The following ANKRD30BL variants were observed in gnomAD, a reference collection of about 807,000 sequenced individuals.
ANKRD30BL encodes the protein ankyrin repeat domain 30B like, also known as putative ankyrin repeat domain-containing protein 30B-like.
Under a neutral mutation model 18.4 loss-of-function variants are expected in ANKRD30BL, and 20 were observed. That is an observed-to-expected ratio of 1.09 (90% CI 0.77 to 1.58). The LOEUF (loss-of-function observed/expected upper bound fraction) is 1.58. Ranked by LOEUF, ANKRD30BL falls within the 40% of genes most tolerant of loss-of-function variation. ANKRD30BL has a pLI of 0.00. For synonymous variants in ANKRD30BL, 72 were observed against 100.9 expected, an observed-to-expected ratio of 0.71 and a Z score of 1.72; for missense variants, 224 against 268.6, an observed-to-expected ratio of 0.83 and a Z score of 1.16.
intron 1 of ANKRD30BL, among the ~76,000 whole-genome samples, chr2:132,252,973 C>T (rs1209902744): frequency 6.6e-6 from 1 of 152,112 alleles, no homozygotes; most frequent in Non-Finnish European, 1.5e-5. Flanking sequence ...TTCCCCACGC[C>T]ACCCAACGCG....
intron 1 of ANKRD30BL, among the ~76,000 whole-genome samples, chr2:132,180,668 G>C (rs1688445026): frequency 6.6e-6 from 1 of 151,622 alleles, no homozygotes; most frequent in African/African-American, 2.4e-5. Context: ...ACTTGCCTAA[G>C]ATCACATAAC....
At chr2:132,203,956 C>T (rs1316140742) in intron 1 of ANKRD30BL, among the ~76,000 whole-genome samples, 1 of 152,020 alleles carries the variant, frequency 6.6e-6, no homozygotes, top group Non-Finnish European at 1.5e-5. Context: ...TGATACCAAT[C>T]ATTTTATGAT....
At chr2:132,204,882 G>A (rs1483077403) in intron 1 of ANKRD30BL, among the ~76,000 whole-genome samples, 1 of 152,106 alleles carries the variant, frequency 6.6e-6, no homozygotes, top group Non-Finnish European at 1.5e-5. Context: ...CAGAGGGGGA[G>A]AATCAGTTGA....
chr2:132,224,447 A>T (rs886902832), intron 1 of ANKRD30BL, among the ~76,000 whole-genome samples: 1 of 152,048 alleles, frequency 6.6e-6, no homozygotes, highest in East Asian at 1.9e-4. Flanking sequence ...GACCGCTTTG[A>T]GGCCTTTGTT....
At chr2:132,178,995 A>C (rs1007989052) in intron 1 of ANKRD30BL, among the ~76,000 whole-genome samples, 2 of 151,694 alleles carry the variant, frequency 1.3e-5, no homozygotes, top group African/African-American at 4.9e-5. Context: ...ATTTTTGAAG[A>C]CTAGTAATTT....
Position 132,219,880 on chromosome 2 carries a change from T to C in ANKRD30BL, n.441+37649A>G, listed in dbSNP as rs553079561. Among the ~76,000 whole-genome samples the C allele has an allele frequency of 1.1e-4, 17 of 152,300 alleles. No individual in the cohort carries two copies. In the South Asian group the frequency reaches 3.3e-3, roughly 30 times the overall value. Reference sequence around the variant, plus strand: ...CAGAAACTTCTTTGTGATGTGTGCATTCAACTCACAGAGTTGAACCTTTCT... The same window carrying C: ...CAGAAACTTCTTTGTGATGTGTGCACTCAACTCACAGAGTTGAACCTTTCT... On this transcript the variant is annotated intron_variant and non_coding_transcript_variant, in intron 1 of 4. Transcript: ENST00000470729.
chr2:132,166,387 C>T (rs1688187524), upstream of ANKRD30BL, among the ~76,000 whole-genome samples: 1 of 141,546 alleles, frequency 7.1e-6, no homozygotes, highest in East Asian at 2.1e-4. Flanking sequence ...CCATTAAATG[C>T]TTGATAGAAT....
intron 1 of ANKRD30BL, among the ~76,000 whole-genome samples, chr2:132,229,876 A>G (rs1325121825): frequency 6.6e-6 from 1 of 152,100 alleles, no homozygotes; most frequent in African/African-American, 2.4e-5. Context: ...CTTCCTTTCC[A>G]TAGAGCAGTT....
intron 3 of ANKRD30BL, chr2:132,156,596 T>C (rs1370361289): frequency 1.3e-5 from 2 of 154,468 alleles, no homozygotes; most frequent in Non-Finnish European, 2.9e-5. Flanking sequence ...CAAGATTCAA[T>C]CCTTTAAGAG....
At position 132,187,188 on chromosome 2, in the gene ANKRD30BL, G is replaced by GTTTTT. The variant is rs1193358076; in HGVS notation, n.442-30047_442-30043dup. Among the ~76,000 whole-genome samples, 273 of 90,596 alleles carry GTTTTT rather than the reference G, an allele frequency of 3.0e-3. 1 individual carries two copies. The highest frequency in any genetic ancestry group is 3.8e-3 in the Non-Finnish European group (170 of 45,194). 59.4% of individuals were successfully genotyped at this position (90,596 alleles called of 152,430 possible). The stretch of plus-strand genomic sequence containing the variant: ...AAGTTTTTTGTTTTTTTTTTTGTTT[G>GTTTTT]TTTTTTTTTTTTTTTTTTTTTGAGA... On this transcript the variant is annotated intron_variant and non_coding_transcript_variant, in intron 1 of 4. Coordinates refer to the ANKRD30BL transcript ENST00000470729.
At position 132,208,975 on chromosome 2, in the gene ANKRD30BL, C is replaced by T. The variant is rs12162389; in HGVS notation, n.441+48554G>A. Among the ~76,000 whole-genome samples the T allele has an allele frequency of 2.3e-3, 353 of 151,870 alleles. 1 individual carries two copies. The highest frequency in any genetic ancestry group is 7.7e-3 in the African/African-American group (320 of 41,416). ...AGTGTCTGCAAGTGGATATTTGGAG[C>T]GCTTTACAGCCTATGGTGGAAAAGT... is the stretch of plus-strand genomic sequence containing the variant. On this transcript the variant is annotated intron_variant and non_coding_transcript_variant, in intron 1 of 4. Coordinates refer to the ANKRD30BL transcript ENST00000470729.
intron 1 of ANKRD30BL, among the ~76,000 whole-genome samples, chr2:132,228,323 G>T (rs1373923307): frequency 2.0e-5 from 3 of 151,780 alleles, no homozygotes; most frequent in Non-Finnish European, 4.4e-5. Context: ...TTATCTCACA[G>T]AGTTGAACCT....
At chr2:132,229,625 C>A (rs1047553932) in intron 1 of ANKRD30BL, among the ~76,000 whole-genome samples, 9 of 152,066 alleles carry the variant, frequency 5.9e-5, no homozygotes, top group African/African-American at 9.7e-5. Flanking sequence ...AATATCTTCA[C>A]ATAAACACTA....
At chr2:132,172,370 CCTCA>C (rs960888092) in intron 1 of ANKRD30BL, among the ~76,000 whole-genome samples, 3 of 152,162 alleles carry the variant, frequency 2.0e-5, no homozygotes, top group South Asian at 2.1e-4. Context: ...GACTCTAAAT[CCTCA>C]CTAACACTTG....
intron 1 of ANKRD30BL, among the ~76,000 whole-genome samples, chr2:132,206,247 T>C (rs1679210790): frequency 6.6e-6 from 1 of 152,134 alleles, no homozygotes; most frequent in Admixed American, 6.6e-5. Context: ...TTGGAGGAAG[T>C]GTAATTTATG....
intron 1 of ANKRD30BL, among the ~76,000 whole-genome samples, chr2:132,167,425 A>T (rs1489887070): frequency 6.6e-6 from 1 of 151,928 alleles, no homozygotes; most frequent in Non-Finnish European, 1.5e-5. Context: ...CTCAGGTTAA[A>T]GTGATCCTCC....
chr2:132,152,504 T>C (rs1687786774), intron 4 of ANKRD30BL: 1 of 152,154 alleles, frequency 6.6e-6, no homozygotes, highest in South Asian at 2.1e-4. Flanking sequence ...GGTAGAGATG[T>C]AAGTAGCATG....
chr2:132,153,987 C>T (rs558229165), intron 4 of ANKRD30BL, among the ~76,000 whole-genome samples: 217 of 152,278 alleles, frequency 1.4e-3, no homozygotes, highest in African/African-American at 4.7e-3. Flanking sequence ...TTATCTATTT[C>T]CTCCTTAGTC....
intron 1 of ANKRD30BL, among the ~76,000 whole-genome samples, chr2:132,239,156 C>T (rs199963854): frequency 6.6e-6 from 1 of 152,108 alleles, no homozygotes; most frequent in Non-Finnish European, 1.5e-5. Context: ...GAGAAGCATT[C>T]TCAGAAACTA....
Sources: allele counts gnomAD v4.1 joint callset (sites outside exome capture counted in the v4.1 genomes callset), GRCh38; gene constraint gnomAD v4.1.1; transcripts MANE v1.5; gene names NCBI Gene and HGNC (gene_info 2026-07-23, HGNC 2026-07-21).